SPATA17: variants seen among roughly 807,000 people sequenced by gnomAD.
SPATA17 encodes the protein spermatogenesis associated 17.
Under a neutral mutation model 62.2 loss-of-function variants are expected in SPATA17, and 53 were observed. The ratio of observed to expected loss-of-function variants is 0.85; its 90% CI spans 0.68 to 1.07. The LOEUF is 1.07. Ranked by LOEUF, SPATA17 falls within the 50% of genes least tolerant of loss-of-function variation. The pLI, the probability that SPATA17 is intolerant of heterozygous loss-of-function variation, is 0.00. For missense variants in SPATA17, 466 were observed against 425.5 expected, an observed-to-expected ratio of 1.10 and a Z score of -0.84; for synonymous variants, 146 against 146.8, an observed-to-expected ratio of 0.99 and a Z score of 0.04.
At chr1:217,755,194 T>C (rs965875866) in intron 6 of SPATA17, among the ~76,000 whole-genome samples, 23 of 152,162 alleles carry the variant, frequency 1.5e-4, no homozygotes, top group Admixed American at 1.5e-3. Context: ...TGGTGTGATA[T>C]GATTTTAAGT....
chr1:217,663,466 T>C (rs1571714959), intron 3 of SPATA17, among the ~76,000 whole-genome samples: 3 of 150,456 alleles, frequency 2.0e-5, no homozygotes, highest in Non-Finnish European at 3.0e-5. Flanking sequence ...AAAAGAACAG[T>C]TGATAATGAC....
intron 4 of SPATA17, among the ~76,000 whole-genome samples, chr1:217,675,174 G>A (rs1056319867): frequency 2.6e-5 from 4 of 152,164 alleles, no homozygotes; most frequent in Non-Finnish European, 5.9e-5. Context: ...AAGGAGGATG[G>A]AAAGTAGATT....
intron 7 of SPATA17, among the ~76,000 whole-genome samples, chr1:217,777,089 C>T (rs1225338219): frequency 6.6e-6 from 1 of 152,178 alleles, no homozygotes; most frequent in Non-Finnish European, 1.5e-5. Flanking sequence ...TTTATACCCT[C>T]AACCATTGAA....
At chr1:217,727,082 T>C (rs1363638960) in intron 5 of SPATA17, among the ~76,000 whole-genome samples, 1 of 151,756 alleles carries the variant, frequency 6.6e-6, no homozygotes, top group African/African-American at 2.4e-5. Context: ...ACCCCATCTC[T>C]ACTAAAAATA....
intron 10 of SPATA17, among the ~76,000 whole-genome samples, chr1:217,864,762 A>G (rs1425870580): frequency 6.6e-6 from 1 of 152,138 alleles, no homozygotes; most frequent in Non-Finnish European, 1.5e-5. Context: ...GCTCTACTCT[A>G]TCAATTACAA....
intron 5 of SPATA17, chr1:217,737,960 G>T (rs1007316422): frequency 2.0e-5 from 3 of 152,486 alleles, no homozygotes; most frequent in South Asian, 2.1e-4. Context: ...GAGTAGCTGG[G>T]ATTACAGGTG....
At chr1:217,709,358 C>A (rs1465725968) in intron 5 of SPATA17, among the ~76,000 whole-genome samples, 1 of 152,124 alleles carries the variant, frequency 6.6e-6, no homozygotes, top group Non-Finnish European at 1.5e-5. Context: ...AGGGCTGCTG[C>A]CTCATGTGAA....
chr1:217,787,531 T>C (rs1253715525), intron 8 of SPATA17, among the ~76,000 whole-genome samples: 1 of 152,198 alleles, frequency 6.6e-6, no homozygotes, highest in Admixed American at 6.5e-5. Flanking sequence ...CTTTGATTTA[T>C]GAATCTCCTC....
chr1:217,774,663 A>G, intron 7 of SPATA17, 126 bp downstream of exon 7: 1 of 774,396 alleles, frequency 1.3e-6, no homozygotes, highest in East Asian at 2.7e-5. Flanking sequence ...AAGTACATTC[A>G]TATTTTTGTG....
At chr1:217,782,380 A>T (rs1673752110) in intron 8 of SPATA17, 58 bp downstream of exon 8, 22 of 1,489,484 alleles carry the variant, frequency 1.5e-5, no homozygotes, top group Non-Finnish European at 1.8e-5. Context: ...AAATTTTCTA[A>T]TTTTTTTATT....
intron 9 of SPATA17, among the ~76,000 whole-genome samples, chr1:217,817,720 T>C (rs1674756581): frequency 6.6e-6 from 1 of 152,106 alleles, no homozygotes; most frequent in Non-Finnish European, 1.5e-5. Flanking sequence ...TACCTTTAAA[T>C]GGGCTATATT....
intron 5 of SPATA17, among the ~76,000 whole-genome samples, chr1:217,740,678 T>TA (rs1672607341): frequency 6.6e-6 from 1 of 152,194 alleles, no homozygotes; most frequent in Admixed American, 6.5e-5. Context: ...GAGGTCATTG[T>TA]ACCAGCTTGC....
intron 3 of SPATA17, among the ~76,000 whole-genome samples, chr1:217,668,569 T>C (rs1201829624): frequency 6.6e-6 from 1 of 152,182 alleles, no homozygotes; most frequent in Non-Finnish European, 1.5e-5. Context: ...CATCACTGCA[T>C]CCATATCCTT....
At chr1:217,699,842 A>T (rs538945970) in intron 5 of SPATA17, among the ~76,000 whole-genome samples, 1 of 152,030 alleles carries the variant, frequency 6.6e-6, no homozygotes, top group African/African-American at 2.4e-5. Context: ...CGTCCATTCT[A>T]CATTTGTTTG....
At chr1:217,765,697 G>A (rs1362947805) in intron 6 of SPATA17, among the ~76,000 whole-genome samples, 2 of 151,976 alleles carry the variant, frequency 1.3e-5, no homozygotes, top group African/African-American at 4.8e-5. Flanking sequence ...CTATGTGAGT[G>A]TTTAGGTGAG....
At position 217,770,422 on chromosome 1, in the gene SPATA17, AT is replaced by A. The variant is rs1322021158; in HGVS notation, c.520-3910del. ...AACAGTTCCTTGGAAATCATGAGAA[AT>A]TGTTATTTCTGTTATGGTAAAATAT... On this transcript the variant is annotated intron_variant, in intron 6 of 10. Transcript: ENST00000366933. Among the ~76,000 whole-genome samples the A allele has an allele frequency of 2.6e-5, 4 of 152,286 alleles. No homozygotes were observed. The East Asian group carries it at 7.7e-4, about 29-fold the overall frequency.
chr1:217,674,866 G>A (rs887505470), intron 4 of SPATA17, among the ~76,000 whole-genome samples: 3 of 152,176 alleles, frequency 2.0e-5, no homozygotes, highest in African/African-American at 7.2e-5. Flanking sequence ...GTGTGGCTGA[G>A]TCTGGGATTT....
At chr1:217,664,548 G>A (rs1351231170) in intron 3 of SPATA17, among the ~76,000 whole-genome samples, 2 of 151,944 alleles carry the variant, frequency 1.3e-5, no homozygotes, top group African/African-American at 2.4e-5. Context: ...GCCCACCTCA[G>A]CCTCCCAAAA....
chr1:217,639,491 A>G (rs1374513553), intron 1 of SPATA17, among the ~76,000 whole-genome samples: 1 of 152,172 alleles, frequency 6.6e-6, no homozygotes, highest in African/African-American at 2.4e-5. Flanking sequence ...AGATAGAGGA[A>G]GAAGAGCAAA....
Sources: allele counts gnomAD v4.1 joint callset (sites outside exome capture counted in the v4.1 genomes callset), GRCh38; gene constraint gnomAD v4.1.1; transcripts MANE v1.5; gene names NCBI Gene and HGNC (gene_info 2026-07-23, HGNC 2026-07-21).